The following BBOX1 variants were observed in gnomAD, a reference collection of about 807,000 sequenced individuals.
BBOX1 encodes gamma-butyrobetaine hydroxylase 1.
Under a neutral mutation model 41.6 loss-of-function variants are expected in BBOX1, and 35 were observed. The observed-to-expected ratio is 0.84, with a 90% CI of 0.64 to 1.11. BBOX1 has a LOEUF of 1.11. Ranked by LOEUF, BBOX1 falls within the 50% of genes most tolerant of loss-of-function variation. The pLI, the probability that BBOX1 is intolerant of heterozygous loss-of-function variation, is 0.00. For missense variants in BBOX1, 458 were observed against 460.6 expected, an observed-to-expected ratio of 0.99 and a Z score of 0.05; for synonymous variants, 163 against 154.7, an observed-to-expected ratio of 1.05 and a Z score of -0.40.
chr11:27,052,037 C>T (rs1851686398), intron 2 of BBOX1, among the ~76,000 whole-genome samples: 1 of 151,386 alleles, frequency 6.6e-6, no homozygotes, highest in African/African-American at 2.4e-5. Flanking sequence ...GATTTTTTTC[C>T]TTGACCCATT....
At chr11:27,125,116 TAGAA>T (rs774902392) in intron 7 of BBOX1, among the ~76,000 whole-genome samples, 28 of 152,304 alleles carry the variant, frequency 1.8e-4, no homozygotes, top group African/African-American at 3.1e-4. Context: ...AGTAAATAGA[TAGAA>T]AGAATATACC....
At chr11:27,062,405 A>C (rs938701083) in intron 4 of BBOX1, among the ~76,000 whole-genome samples, 1 of 152,180 alleles carries the variant, frequency 6.6e-6, no homozygotes, top group African/African-American at 2.4e-5. Context: ...TTTTAAAGCC[A>C]GAGAAATGAG....
At chr11:27,085,837 A>T (rs546666513) in intron 4 of BBOX1, among the ~76,000 whole-genome samples, 2 of 152,240 alleles carry the variant, frequency 1.3e-5, no homozygotes, top group African/African-American at 4.8e-5. Flanking sequence ...ACAGAAGGAA[A>T]TTGAAAGTGC....
intron 7 of BBOX1, among the ~76,000 whole-genome samples, chr11:27,122,796 T>TTG (rs201396854): frequency 8.2e-4 from 125 of 152,204 alleles, no homozygotes; most frequent in African/African-American, 2.0e-3. Context: ...TGGTTTTTTT[T>TTG]TTGTTGTTGT....
chr11:27,085,616 G>T (rs1312064985), intron 4 of BBOX1, among the ~76,000 whole-genome samples: 1 of 150,270 alleles, frequency 6.7e-6, no homozygotes, highest in Non-Finnish European at 1.5e-5. Context: ...TGTTCCCTGA[G>T]AGACAACAAT....
chr11:27,057,932 G>T (rs1299783308), intron 4 of BBOX1, among the ~76,000 whole-genome samples: 1 of 152,070 alleles, frequency 6.6e-6, no homozygotes, highest in African/African-American at 2.4e-5. Context: ...GGATAAAGAG[G>T]ACTTTATTGC....
intron 2 of BBOX1, 78 bp from the exon 3 acceptor site, chr11:27,055,315 C>A: frequency 1.0e-6 from 1 of 957,408 alleles, no homozygotes; most frequent in Non-Finnish European, 1.6e-6. Context: ...CCAGAGTCCA[C>A]TTGAAGTGTT....
At chr11:27,059,738 T>TA (rs1289084621) in intron 4 of BBOX1, among the ~76,000 whole-genome samples, 1 of 152,214 alleles carries the variant, frequency 6.6e-6, no homozygotes, top group African/African-American at 2.4e-5. Context: ...TCAAAGGAGA[T>TA]AATTTTGGAG....
chr11:27,095,676 A>T (rs927032761), intron 5 of BBOX1, among the ~76,000 whole-genome samples: 1 of 151,944 alleles, frequency 6.6e-6, no homozygotes, highest in Non-Finnish European at 1.5e-5. Flanking sequence ...ATCTCTCTAC[A>T]TATTTTTTGA....
In BBOX1 at chr11:27,127,487, T is replaced by A; in HGVS notation, c.*34T>A. 6.3e-7 allele frequency: 1 copy of A among 1,576,928 alleles called. No individual in the cohort carries two copies. Among genetic ancestry groups the A allele is most frequent in the Non-Finnish European group, 8.6e-7 (1 of 1,166,030 alleles). On this transcript the variant is annotated 3_prime_UTR_variant, in exon 9 of 9. Transcript: ENST00000263182. ...GTAGATAATTTTAATAAGATTCCAA[T>A]GACCATATTTTGTGAGATATGGCAC...
At chr11:27,063,647 T>C (rs2133977344) in intron 4 of BBOX1, among the ~76,000 whole-genome samples, 1 of 139,530 alleles carries the variant, frequency 7.2e-6, no homozygotes, top group South Asian at 2.2e-4. Context: ...ATGGAGTACA[T>C]TGCACAGTCA....
At chr11:27,112,782 C>T (rs1487953375) in intron 5 of BBOX1, among the ~76,000 whole-genome samples, 1 of 151,778 alleles carries the variant, frequency 6.6e-6, no homozygotes, top group Non-Finnish European at 1.5e-5. Context: ...AAAACAATTG[C>T]AACAAAAACA....
At chr11:27,079,605 G>C (rs56127535) in intron 4 of BBOX1, among the ~76,000 whole-genome samples, 11,500 of 152,088 alleles carry the variant, frequency 0.076, 1,439 homozygotes, top group African/African-American at 0.25. Flanking sequence ...TCAAACTTCA[G>C]TAAGGCATAA....
At chr11:27,089,145 C>A (rs1317726) in intron 4 of BBOX1, among the ~76,000 whole-genome samples, 15 of 151,688 alleles carry the variant, frequency 9.9e-5, no homozygotes, top group Admixed American at 7.9e-4. Flanking sequence ...CATGCATGAC[C>A]TATCTAGTGC....
chr11:27,055,280 C>A, intron 2 of BBOX1, 113 bp from the exon 3 acceptor site: 1 of 662,216 alleles, frequency 1.5e-6, no homozygotes, highest in South Asian at 2.2e-5. Flanking sequence ...ACCGCAGACT[C>A]TGACAGCTGA....
At chr11:27,101,893 A>AC (rs1370898503) in intron 5 of BBOX1, among the ~76,000 whole-genome samples, 1 of 152,138 alleles carries the variant, frequency 6.6e-6, no homozygotes, top group East Asian at 1.9e-4. Flanking sequence ...AGTATATGAT[A>AC]CATTATTATC....
intron 4 of BBOX1, among the ~76,000 whole-genome samples, chr11:27,072,088 A>G (rs11511900): frequency 0.16 from 25,046 of 152,120 alleles, 2,342 homozygotes; most frequent in Middle Eastern, 0.24. Flanking sequence ...GGTCAAGAGA[A>G]AGAAATAAAG....
chr11:27,116,091 A>T (rs928206856), intron 6 of BBOX1, among the ~76,000 whole-genome samples: 1 of 152,060 alleles, frequency 6.6e-6, no homozygotes, highest in African/African-American at 2.4e-5. Context: ...TCAATGACAG[A>T]CTGGATAAAG....
chr11:27,070,633 T>C (rs1296114779), intron 4 of BBOX1, among the ~76,000 whole-genome samples: 1 of 152,112 alleles, frequency 6.6e-6, no homozygotes, highest in Non-Finnish European at 1.5e-5. Context: ...CCCACTTCTT[T>C]ACCTTGAATT....
Sources: allele counts gnomAD v4.1 joint callset (sites outside exome capture counted in the v4.1 genomes callset), GRCh38; gene constraint gnomAD v4.1.1; transcripts MANE v1.5; gene names NCBI Gene and HGNC (gene_info 2026-07-23, HGNC 2026-07-21).